The following CHN1 variants were observed in gnomAD, a reference collection of about 807,000 sequenced individuals.
The protein encoded by CHN1 is N-chimaerin.
In CHN1, 37 loss-of-function variants were observed where a neutral mutation model predicts 59.5. That is an observed-to-expected ratio of 0.62 (90% CI 0.48 to 0.82). CHN1 has a LOEUF of 0.82. CHN1 is among the 40% of genes least tolerant of loss of function. CHN1 has a pLI of 0.00. For missense variants in CHN1, 469 were observed against 571.0 expected (o/e 0.82, Z 1.82); for synonymous variants, 206 against 200.4 (o/e 1.03, Z -0.24).
At chr2:174,899,176 C>G (rs1417838209) in intron 5 of CHN1, among the ~76,000 whole-genome samples, 1 of 131,592 alleles carries the variant, frequency 7.6e-6, no homozygotes, top group Non-Finnish European at 1.6e-5. Flanking sequence ...GAAGCCTAGT[C>G]TAAGAAAAAC....
intron 1 of CHN1, among the ~76,000 whole-genome samples, chr2:174,971,079 G>A (rs1440811016): frequency 1.3e-5 from 2 of 152,202 alleles, no homozygotes; most frequent in African/African-American, 2.4e-5. Context: ...AGCACTTTGG[G>A]AGGCTGAGGT....
In CHN1 at chr2:174,800,236, G is replaced by A. The variant is rs760720388; in HGVS notation, c.1260C>T (p.Ile420=). The A allele has an allele frequency of 8.1e-6, 12 of 1,478,206 alleles. No individual in the cohort carries two copies. Among genetic ancestry groups the A allele is most frequent in the Admixed American group, 2.4e-5 (1 of 41,596 alleles). The allele number at this position is 1,478,206 out of a possible 1,614,324, so 91.6% of individuals were successfully genotyped here. Residue 420 remains isoleucine, a synonymous_variant, in exon 13 of 13, where the codon ATC becomes ATT. Transcript: ENST00000409900. ...ATCTCATAAGGGTGGGTCCAAAGAC[G>A]ATTCCAAGGTTCTCTGCATTCATAA... is the stretch of plus-strand genomic sequence containing the variant. ...ENLMNAENLG[I]VFGPTLMRSP...
chr2:174,984,395 A>G (rs1472251275), intron 1 of CHN1, among the ~76,000 whole-genome samples: 1 of 121,304 alleles, frequency 8.2e-6, no homozygotes, highest in Non-Finnish European at 1.6e-5. Context: ...TTTTAGATGG[A>G]GTCTCGCTCT....
chr2:174,922,246 T>C (rs1309218612), intron 3 of CHN1, among the ~76,000 whole-genome samples: 1 of 152,184 alleles, frequency 6.6e-6, no homozygotes, highest in East Asian at 1.9e-4. Context: ...CATTATATGA[T>C]AAAATGTTAC....
intron 3 of CHN1, among the ~76,000 whole-genome samples, chr2:174,937,690 C>A (rs1288957014): frequency 6.6e-6 from 1 of 151,950 alleles, no homozygotes; most frequent in Non-Finnish European, 1.5e-5. Flanking sequence ...GCGGATCCTT[C>A]ATGAATATCT....
chr2:174,801,925 C>T, intron 11 of CHN1, 113 bp from the exon 12 acceptor site: 1 of 817,436 alleles, frequency 1.2e-6, no homozygotes, highest in Non-Finnish European at 2.1e-6. Flanking sequence ...GAAATGCTTT[C>T]TCGTAATTCC....
At chr2:174,913,272 GA>G (rs1688751014) in intron 5 of CHN1, among the ~76,000 whole-genome samples, 1 of 152,200 alleles carries the variant, frequency 6.6e-6, no homozygotes. Context: ...CAAAAGGAAA[GA>G]AAGAGAGGCT....
intron 8 of CHN1, among the ~76,000 whole-genome samples, chr2:174,821,334 T>G (rs1042605603): frequency 1.3e-5 from 2 of 152,172 alleles, no homozygotes; most frequent in Non-Finnish European, 2.9e-5. Flanking sequence ...GCATAGCATC[T>G]TCTCTTCCCT....
chr2:174,964,178 G>C (rs768129452), intron 1 of CHN1, among the ~76,000 whole-genome samples: 8 of 152,148 alleles, frequency 5.3e-5, no homozygotes, highest in Non-Finnish European at 7.3e-5. Context: ...CTCCAGATCA[G>C]CCTTTCTCCT....
intron 11 of CHN1, among the ~76,000 whole-genome samples, chr2:174,804,075 A>G (rs1684812542): frequency 6.6e-6 from 1 of 152,200 alleles, no homozygotes; most frequent in South Asian, 2.1e-4. Flanking sequence ...GTTACACTCT[A>G]TTAGAATGAG....
chr2:174,876,959 C>T (rs533851726), intron 6 of CHN1, among the ~76,000 whole-genome samples: 3 of 152,216 alleles, frequency 2.0e-5, no homozygotes, highest in East Asian at 1.9e-4. Flanking sequence ...GCATAGAATC[C>T]GAGCTCAAGA....
chr2:174,882,817 T>G (rs1247252194), intron 5 of CHN1, among the ~76,000 whole-genome samples: 1 of 152,100 alleles, frequency 6.6e-6, no homozygotes, highest in Non-Finnish European at 1.5e-5. Context: ...GGAAGAAAAT[T>G]TAAAACAGAA....
At chr2:174,892,910 C>T (rs1380437529) in intron 5 of CHN1, among the ~76,000 whole-genome samples, 1 of 152,040 alleles carries the variant, frequency 6.6e-6, no homozygotes, top group Non-Finnish European at 1.5e-5. Context: ...AAATTCAGCA[C>T]CCTTGCATTT....
At chr2:174,928,371 AAAGT>A (rs778475089) in intron 3 of CHN1, among the ~76,000 whole-genome samples, 1 of 152,240 alleles carries the variant, frequency 6.6e-6, no homozygotes, top group African/African-American at 2.4e-5. Context: ...TGAAAAAATC[AAAGT>A]AAGGGATCTA....
chr2:174,829,464 C>T (rs1333979473), intron 7 of CHN1, among the ~76,000 whole-genome samples: 1 of 152,216 alleles, frequency 6.6e-6, no homozygotes, highest in Non-Finnish European at 1.5e-5. Context: ...CACCCTGCTT[C>T]TCATCATGTT....
chr2:174,994,008 T>C (rs942800512), intron 1 of CHN1, among the ~76,000 whole-genome samples: 6 of 152,244 alleles, frequency 3.9e-5, no homozygotes, highest in African/African-American at 1.4e-4. Flanking sequence ...TTAGCCATTT[T>C]CATACTGAAT....
chr2:174,861,510 T>C (rs921147922), intron 6 of CHN1, among the ~76,000 whole-genome samples: 28 of 152,352 alleles, frequency 1.8e-4, no homozygotes, highest in African/African-American at 6.7e-4. Flanking sequence ...TTCAGTCTCC[T>C]GCCCTTATAC....
chr2:174,810,307 G>A (rs1462565460), intron 10 of CHN1, among the ~76,000 whole-genome samples: 2 of 152,106 alleles, frequency 1.3e-5, no homozygotes, highest in Non-Finnish European at 1.5e-5. Context: ...CACATCCTTG[G>A]GAGGCCAAAG....
At chr2:174,836,035 C>G (rs775625211) in intron 7 of CHN1, among the ~76,000 whole-genome samples, 69 of 152,318 alleles carry the variant, frequency 4.5e-4, no homozygotes, top group Non-Finnish European at 7.6e-4. Flanking sequence ...GTGTGCAGCT[C>G]TGTCTCCTCA....
Sources: allele counts gnomAD v4.1 joint callset (sites outside exome capture counted in the v4.1 genomes callset), GRCh38; gene constraint gnomAD v4.1.1; transcripts MANE v1.5; gene names NCBI Gene and HGNC (gene_info 2026-07-23, HGNC 2026-07-21).